VWC2L: variants seen among roughly 807,000 people sequenced by gnomAD.
VWC2L encodes von Willebrand factor C domain-containing protein 2-like.
In VWC2L, 10 loss-of-function variants were observed where a neutral mutation model predicts 21.6. The ratio of observed to expected loss-of-function variants is 0.46; its 90% CI spans 0.29 to 0.78. VWC2L has a LOEUF of 0.78. Ranked by LOEUF, VWC2L falls within the 30% of genes least tolerant of loss-of-function variation. The pLI, the probability that VWC2L is intolerant of heterozygous loss-of-function variation, is 0.10. For synonymous variants in VWC2L, 96 were observed against 94.3 expected (o/e 1.02, Z -0.10); for missense variants, 209 against 277.1 (o/e 0.75, Z 1.74).
At chr2:214,414,763 A>G (rs894072837) in intron 2 of VWC2L, 180 bp downstream of exon 2, 1 of 675,688 alleles carries the variant, frequency 1.5e-6, no homozygotes, top group East Asian at 2.9e-5. Context: ...TGGTTTGTTG[A>G]TCATATTTGT....
intron 3 of VWC2L, among the ~76,000 whole-genome samples, chr2:214,523,508 A>G (rs1689277750): frequency 1.3e-5 from 2 of 152,222 alleles, no homozygotes; most frequent in African/African-American, 4.8e-5. Flanking sequence ...AAAAAAAATT[A>G]CTTGTGATGA....
intron 3 of VWC2L, among the ~76,000 whole-genome samples, chr2:214,514,966 C>T (rs1689117368): frequency 6.6e-6 from 1 of 152,146 alleles, no homozygotes; most frequent in Non-Finnish European, 1.5e-5. Flanking sequence ...GGATAAAATA[C>T]AGTTTTAATT....
At chr2:214,552,754 A>G (rs1471173903) in intron 3 of VWC2L, among the ~76,000 whole-genome samples, 1 of 152,150 alleles carries the variant, frequency 6.6e-6, no homozygotes, top group Non-Finnish European at 1.5e-5. Context: ...GAATTCAATC[A>G]CTATATTTCT....
chr2:214,513,513 G>A (rs939022023), intron 3 of VWC2L, among the ~76,000 whole-genome samples: 3 of 152,024 alleles, frequency 2.0e-5, no homozygotes, highest in Non-Finnish European at 2.9e-5. Flanking sequence ...GCAAACATTC[G>A]TAACGTGGCA....
intron 3 of VWC2L, among the ~76,000 whole-genome samples, chr2:214,515,635 C>A (rs1689129498): frequency 6.6e-6 from 1 of 152,186 alleles, no homozygotes; most frequent in Non-Finnish European, 1.5e-5. Flanking sequence ...CTCACTGCAA[C>A]CCCCGCCTCC....
intron 3 of VWC2L, among the ~76,000 whole-genome samples, chr2:214,475,781 G>A (rs895278121): frequency 6.6e-6 from 1 of 151,864 alleles, no homozygotes; most frequent in Non-Finnish European, 1.5e-5. Flanking sequence ...CAACAAAAAT[G>A]TTGACCTGTA....
chr2:214,490,380 A>C (rs986103471), intron 3 of VWC2L, among the ~76,000 whole-genome samples: 4 of 151,678 alleles, frequency 2.6e-5, no homozygotes, highest in Non-Finnish European at 5.9e-5. Flanking sequence ...TGACTGATTC[A>C]GTGTAGATCA....
At chr2:214,540,670 A>G (rs1435329987) in intron 3 of VWC2L, among the ~76,000 whole-genome samples, 1 of 152,202 alleles carries the variant, frequency 6.6e-6, no homozygotes, top group Admixed American at 6.5e-5. Context: ...TGCAGACCTC[A>G]TCTGAATTAG....
intron 3 of VWC2L, among the ~76,000 whole-genome samples, chr2:214,437,537 C>A (rs941891462): frequency 6.6e-6 from 1 of 152,076 alleles, no homozygotes; most frequent in Non-Finnish European, 1.5e-5. Context: ...AAAAATAATT[C>A]TTTACTAGGC....
intron 3 of VWC2L, among the ~76,000 whole-genome samples, chr2:214,491,068 G>A (rs1688739191): frequency 6.6e-6 from 1 of 152,092 alleles, no homozygotes. Context: ...ATTTCTTTAG[G>A]GAGTGATTTA....
intron 3 of VWC2L, among the ~76,000 whole-genome samples, chr2:214,437,677 T>C (rs554475600): frequency 1.3e-5 from 2 of 152,318 alleles, no homozygotes; most frequent in East Asian, 1.9e-4. Context: ...TCTTTCTCTA[T>C]TATTTTTTGC....
Position 214,520,754 on chromosome 2 carries a change from G to A in VWC2L, c.521-54918G>A, listed in dbSNP as rs77538522. Among the ~76,000 whole-genome samples, 328 of 151,892 alleles carry A rather than the reference G, an allele frequency of 2.2e-3. 1 individual carries two copies. Among genetic ancestry groups the A allele is most frequent in the African/African-American group, 7.5e-3 (312 of 41,418 alleles). ...TGATGCTATATTGCATTAAAACAAA[G>A]AATACAAAACTACATATGCGATATG... On this transcript the variant is annotated intron_variant, in intron 3 of 3. Transcript: ENST00000312504.
At chr2:214,474,195 G>C (rs1019786804) in intron 3 of VWC2L, among the ~76,000 whole-genome samples, 1 of 151,972 alleles carries the variant, frequency 6.6e-6, no homozygotes, top group African/African-American at 2.4e-5. Context: ...TTACATTGAA[G>C]GCATGTTATT....
At chr2:214,445,187 G>A (rs1702820592) in intron 3 of VWC2L, among the ~76,000 whole-genome samples, 1 of 151,864 alleles carries the variant, frequency 6.6e-6, no homozygotes. Context: ...TATGCTCTCT[G>A]AAGGGTAGTA....
At chr2:214,541,594 T>C (rs1038824556) in intron 3 of VWC2L, among the ~76,000 whole-genome samples, 3 of 152,080 alleles carry the variant, frequency 2.0e-5, no homozygotes, top group Non-Finnish European at 4.4e-5. Context: ...AAGACTTGAG[T>C]TTGGGCTAGG....
chr2:214,575,611 G>A, intron 3 of VWC2L, 61 bp from the exon 4 acceptor site: 2 of 1,584,916 alleles, frequency 1.3e-6, no homozygotes, highest in South Asian at 1.1e-5. Context: ...GGGTTTGGAT[G>A]GTGGGGAGAA....
chr2:214,528,142 G>A (rs1295024948), intron 3 of VWC2L, among the ~76,000 whole-genome samples: 1 of 152,150 alleles, frequency 6.6e-6, no homozygotes, highest in Non-Finnish European at 1.5e-5. Flanking sequence ...AAATGAGACT[G>A]CTTTATCTCT....
At chr2:214,486,805 A>C (rs1182153116) in intron 3 of VWC2L, among the ~76,000 whole-genome samples, 1 of 152,178 alleles carries the variant, frequency 6.6e-6, no homozygotes, top group Admixed American at 6.5e-5. Context: ...ATTTGATATA[A>C]ATGATCTGAA....
intron 2 of VWC2L, 90 bp downstream of exon 2, chr2:214,414,673 T>C (rs1702328798): frequency 1.4e-6 from 2 of 1,403,376 alleles, no homozygotes; most frequent in South Asian, 1.4e-5. Context: ...GTTGGAAAAA[T>C]GTACTTTAAA....
Sources: allele counts gnomAD v4.1 joint callset (sites outside exome capture counted in the v4.1 genomes callset), GRCh38; gene constraint gnomAD v4.1.1; transcripts MANE v1.5; gene names NCBI Gene and HGNC (gene_info 2026-07-23, HGNC 2026-07-21).